Variants in RANBP2 observed in about 807,000 individuals in gnomAD.
RANBP2 encodes E3 SUMO-protein ligase RanBP2.
In RANBP2, 57 loss-of-function variants were observed where a neutral mutation model predicts 303.6. The observed-to-expected ratio is 0.19, with a 90% CI of 0.15 to 0.23. The LOEUF is 0.23. RANBP2 is among the 10% of genes least tolerant of loss of function. The pLI is 1.00. For synonymous variants in RANBP2, 1,167 were observed against 1,301.5 expected (o/e 0.90, Z 2.23); for missense variants, 3,138 against 3,780.8 (o/e 0.83, Z 4.46).
the RANBP2 span, among the ~76,000 whole-genome samples, chr2:109,241,686 G>T: frequency 6.6e-6 from 1 of 151,924 alleles, no homozygotes; most frequent in Admixed American, 6.6e-5. Context: ...CTCTCCCCCA[G>T]TCCCTGCAGT....
the RANBP2 span, among the ~76,000 whole-genome samples, chr2:109,300,559 T>C: frequency 6.6e-6 from 1 of 152,186 alleles, no homozygotes; most frequent in Non-Finnish European, 1.5e-5. Flanking sequence ...ACAGGCATCC[T>C]TTTCCATAGG....
the RANBP2 span, among the ~76,000 whole-genome samples, chr2:109,338,432 CTT>C: frequency 2.1e-5 from 3 of 145,802 alleles, no homozygotes; most frequent in Non-Finnish European, 1.5e-5. Flanking sequence ...CTTAGGGAAA[CTT>C]TTTTTTTTTT....
chr2:109,711,180 C>T, the RANBP2 span, among the ~76,000 whole-genome samples: 2 of 152,056 alleles, frequency 1.3e-5, no homozygotes, highest in African/African-American at 4.8e-5. Flanking sequence ...TTCAGCCGCC[C>T]CGGCAAGTCC....
chr2:109,268,581 T>G, the RANBP2 span, among the ~76,000 whole-genome samples: 1 of 152,292 alleles, frequency 6.6e-6, no homozygotes, highest in South Asian at 2.1e-4. Context: ...TGGGCCTCGC[T>G]CCAGGGAGAG....
the RANBP2 span, among the ~76,000 whole-genome samples, chr2:109,557,840 G>A: frequency 6.7e-6 from 1 of 149,514 alleles, no homozygotes; most frequent in Non-Finnish European, 1.5e-5. Flanking sequence ...GTAGCTTGCT[G>A]TCATAATTTT....
the RANBP2 span, among the ~76,000 whole-genome samples, chr2:109,005,651 T>C: frequency 1.3e-5 from 2 of 152,236 alleles, no homozygotes; most frequent in Non-Finnish European, 2.9e-5. Flanking sequence ...TCATGTTCCC[T>C]AAATTAAACT....
chr2:109,609,797 G>A, the RANBP2 span, among the ~76,000 whole-genome samples: 1 of 152,102 alleles, frequency 6.6e-6, no homozygotes, highest in Non-Finnish European at 1.5e-5. Context: ...ATGCGGACAG[G>A]AATTGCAAAG....
the RANBP2 span, among the ~76,000 whole-genome samples, chr2:109,015,890 G>C: frequency 6.6e-6 from 1 of 152,226 alleles, no homozygotes; most frequent in Non-Finnish European, 1.5e-5. Context: ...CAGTCGTTAA[G>C]TTTTTGAGGA....
At chr2:109,116,080 A>G in the RANBP2 span, among the ~76,000 whole-genome samples, 1 of 152,008 alleles carries the variant, frequency 6.6e-6, no homozygotes, top group South Asian at 2.1e-4. Context: ...CCTTCATTTC[A>G]ACTTTGGTGA....
chr2:109,313,865 G>A, the RANBP2 span, among the ~76,000 whole-genome samples: 2 of 151,596 alleles, frequency 1.3e-5, no homozygotes. Flanking sequence ...AGCCAGAGCA[G>A]AGGGATTTGA....
chr2:109,491,429 C>G, the RANBP2 span, among the ~76,000 whole-genome samples: 5 of 152,326 alleles, frequency 3.3e-5, no homozygotes, highest in African/African-American at 7.2e-5. Flanking sequence ...ATCATGGCTT[C>G]AAGGGTATAT....
the RANBP2 span, among the ~76,000 whole-genome samples, chr2:109,345,968 A>G: frequency 9.8e-5 from 15 of 152,318 alleles, no homozygotes; most frequent in South Asian, 2.9e-3. Flanking sequence ...ATTGTCCCAA[A>G]TTAAGATTCC....
chr2:109,120,764 T>A, the RANBP2 span, among the ~76,000 whole-genome samples: 1 of 147,924 alleles, frequency 6.8e-6, no homozygotes, highest in East Asian at 2.0e-4. Context: ...TACCAAGAGG[T>A]ACGGGGAGGA....
the RANBP2 span, among the ~76,000 whole-genome samples, chr2:109,249,537 TTCCTTCCTTCCTTCCTTCC>T: frequency 1.0e-5 from 1 of 97,038 alleles, no homozygotes; most frequent in Non-Finnish European, 2.2e-5. Context: ...CTTTCTTTCC[TTCCTTCCTTCCTTCCTTCC>T]TTCCTTCCTT....
chr2:108,809,127 A>C, the RANBP2 span, among the ~76,000 whole-genome samples: 18 of 152,018 alleles, frequency 1.2e-4, no homozygotes, highest in Non-Finnish European at 2.5e-4. Flanking sequence ...GTTGGCTGTA[A>C]ATGTGTGGAT....
the RANBP2 span, among the ~76,000 whole-genome samples, chr2:109,654,266 C>T: frequency 1.3e-5 from 2 of 152,090 alleles, no homozygotes; most frequent in Admixed American, 6.6e-5. Context: ...CCTAACAAGG[C>T]TGAAGGCTGA....
chr2:109,756,526 C>T, the RANBP2 span, among the ~76,000 whole-genome samples: 6 of 129,806 alleles, frequency 4.6e-5, 1 homozygote, highest in Admixed American at 8.2e-5. Flanking sequence ...GTCACACATC[C>T]CTGTTACCTG....
the RANBP2 span, chr2:109,615,264 G>A: frequency 6.4e-7 from 1 of 1,569,728 alleles, no homozygotes; most frequent in Non-Finnish European, 8.6e-7. Context: ...GAGCAGCGGC[G>A]GAGGCTCCGT....
the RANBP2 span, among the ~76,000 whole-genome samples, chr2:109,224,945 A>G: frequency 6.6e-6 from 1 of 152,224 alleles, no homozygotes; most frequent in Non-Finnish European, 1.5e-5. Context: ...ATGGACAGCT[A>G]GAGAACTGCA....
Sources: allele counts gnomAD v4.1 joint callset (sites outside exome capture counted in the v4.1 genomes callset), GRCh38; gene constraint gnomAD v4.1.1; transcripts MANE v1.5; gene names NCBI Gene and HGNC (gene_info 2026-07-23, HGNC 2026-07-21).